The following FGF13 variants were observed in gnomAD, a reference collection of about 807,000 sequenced individuals.
FGF13 encodes the protein fibroblast growth factor 13.
A neutral mutation model predicts 19.5 loss-of-function variants in FGF13; 2 were observed. That is an observed-to-expected ratio of 0.10 (90% confidence interval 0.04 to 0.32). The LOEUF (loss-of-function observed/expected upper bound fraction) is 0.32. FGF13 is among the 10% of genes least tolerant of loss of function. FGF13 has a pLI of 1.00. For synonymous variants in FGF13, 72 were observed against 76.9 expected, an observed-to-expected ratio of 0.94 and a Z score of 0.33; for missense variants, 113 against 192.7, an observed-to-expected ratio of 0.59 and a Z score of 2.45.
intron 1 of FGF13, among the ~76,000 whole-genome samples, chrX:139,086,857 C>T (rs1051362425): frequency 8.9e-6 from 1 of 112,734 alleles, no homozygotes; most frequent in Admixed American, 9.4e-5. Context: ...TAAACACCTG[C>T]ACAACTAGAC....
intron 1 of FGF13, among the ~76,000 whole-genome samples, chrX:138,919,270 C>T (rs1369268797): frequency 5.4e-5 from 6 of 110,779 alleles, no homozygotes; most frequent in African/African-American, 1.6e-4. Context: ...AAGAAAGAGG[C>T]CAAAAATCTC....
Position 138,972,167 on chromosome X carries a change from G to A in FGF13, c.-112-107517C>T, listed in dbSNP as rs771319122. On this transcript the variant is annotated intron_variant, in intron 1 of 2. Transcript: ENST00000421460. ...TTGTGAATAGTGCTGCAATGAACATGGGAGTGCAGATATCTCTTCAACGTG... is the reference window on the plus strand; with the variant it reads ...TTGTGAATAGTGCTGCAATGAACATAGGAGTGCAGATATCTCTTCAACGTG... Among the ~76,000 whole-genome samples, 496 of 108,518 alleles carry A rather than the reference G, an allele frequency of 4.6e-3. 4 individuals are homozygous for A. The highest frequency in any genetic ancestry group is 6.0e-3 in the Non-Finnish European group (312 of 52,399). The allele number at this position is 108,518 out of a possible 115,157, so 94.2% of individuals were successfully genotyped here.
chrX:139,124,238 G>A (rs1323687149), intron 1 of FGF13, among the ~76,000 whole-genome samples: 1 of 112,650 alleles, frequency 8.9e-6, no homozygotes, highest in African/African-American at 3.2e-5. Context: ...AGTGACAGAC[G>A]TCATGTGTTC....
At chrX:138,911,914 T>C (rs1208224679) in intron 1 of FGF13, among the ~76,000 whole-genome samples, 1 of 112,083 alleles carries the variant, frequency 8.9e-6, no homozygotes, top group Non-Finnish European at 1.9e-5. Context: ...AAATGTCCAA[T>C]ACATATCGTA....
chrX:138,771,841 GT>G (rs1452043711), intron 3 of FGF13, among the ~76,000 whole-genome samples: 1 of 109,357 alleles, frequency 9.1e-6, no homozygotes, highest in African/African-American at 3.3e-5. Context: ...TCCATTTGAA[GT>G]GAAAAAGAGT....
At chrX:138,994,338 A>C (rs1456365474) in intron 1 of FGF13, among the ~76,000 whole-genome samples, 2 of 110,264 alleles carry the variant, frequency 1.8e-5, no homozygotes, top group Non-Finnish European at 3.8e-5. Flanking sequence ...AACCTTATGA[A>C]CTCATCTATA....
intron 1 of FGF13, among the ~76,000 whole-genome samples, chrX:139,141,047 TGATAGATA>T (rs71855826): frequency 0.14 from 12,751 of 88,973 alleles, 911 homozygotes; most frequent in South Asian, 0.28. Context: ...ACTAGATAGA[TGATAGATA>T]GATAGATAGA....
At chrX:138,965,587 A>T (rs2124309971) in intron 1 of FGF13, among the ~76,000 whole-genome samples, 1 of 112,196 alleles carries the variant, frequency 8.9e-6, no homozygotes, top group East Asian at 2.8e-4. Flanking sequence ...GTCATTAAAA[A>T]TTTCACTATG....
At chrX:138,747,007 C>T (rs1213540837) in intron 3 of FGF13, among the ~76,000 whole-genome samples, 1 of 111,625 alleles carries the variant, frequency 9.0e-6, no homozygotes, top group Non-Finnish European at 1.9e-5. Context: ...CCAGGGCAGA[C>T]TCTAAGCTCC....
At chrX:138,949,648 G>A (rs1453419450) in intron 1 of FGF13, among the ~76,000 whole-genome samples, 1 of 111,724 alleles carries the variant, frequency 9.0e-6, no homozygotes, top group Non-Finnish European at 1.9e-5. Flanking sequence ...ACTCAGTAAA[G>A]ATGGATATAT....
chrX:139,044,193 T>C (rs956038281), intron 1 of FGF13, among the ~76,000 whole-genome samples: 1 of 112,074 alleles, frequency 8.9e-6, no homozygotes, highest in African/African-American at 3.3e-5. Flanking sequence ...TACCTAAGAC[T>C]GGGTAATTTA....
At chrX:139,099,325 T>C (rs2083491213) in intron 1 of FGF13, among the ~76,000 whole-genome samples, 1 of 103,079 alleles carries the variant, frequency 9.7e-6, no homozygotes, top group African/African-American at 3.6e-5. Flanking sequence ...CCACAACTGG[T>C]TCTGTCTGAG....
Position 138,711,235 on chromosome X carries a change from G to A in FGF13, c.-232C>T. ...TCCCGCGCGGGCTGCTGGCTGCCTG[G>A]GTCGGAGTCGACGCCACAGCCCCGG... On this transcript the variant is annotated 5_prime_UTR_variant, in exon 1 of 5. Transcript: ENST00000315930. 9.8e-7 allele frequency: 1 copy of A among 1,024,468 alleles called. No individual in the cohort carries two copies. The allele number at this position is 1,024,468 out of a possible 1,213,427, so 84.4% of individuals were successfully genotyped here.
chrX:139,156,985 C>T (rs1219931103), intron 1 of FGF13, among the ~76,000 whole-genome samples: 7 of 111,641 alleles, frequency 6.3e-5, no homozygotes, highest in African/African-American at 2.3e-4. Flanking sequence ...AGGAGCACAA[C>T]ACACTATTCC....
At chrX:139,053,054 C>T (rs961299312) in intron 1 of FGF13, among the ~76,000 whole-genome samples, 1 of 99,610 alleles carries the variant, frequency 1.0e-5, no homozygotes, top group African/African-American at 3.6e-5. Flanking sequence ...CCTTCTTATG[C>T]TTTTGTGTCC....
At chrX:139,123,141 C>T (rs1320530952) in intron 1 of FGF13, among the ~76,000 whole-genome samples, 3 of 111,524 alleles carry the variant, frequency 2.7e-5, no homozygotes, top group Admixed American at 9.6e-5. Context: ...CCACCACCAG[C>T]TTTCCCCTGG....
intron 1 of FGF13, among the ~76,000 whole-genome samples, chrX:139,201,341 C>G (rs2084413523): frequency 8.9e-6 from 1 of 112,016 alleles, no homozygotes; most frequent in African/African-American, 3.2e-5. Flanking sequence ...TCTGGAAACA[C>G]TGTACTCTAT....
Position 138,623,127 on chromosome X carries a change from T to A in FGF13, c.*9723A>T, listed in dbSNP as rs913925418. 1 of 111,547 alleles carries A rather than the reference T, an allele frequency of 9.0e-6. No homozygotes were observed. The highest frequency in any genetic ancestry group is 1.9e-5 in the Non-Finnish European group (1 of 53,152). The allele number at this position is 111,547 out of a possible 1,213,427, so 9.2% of individuals were successfully genotyped here. Reference sequence around the variant, plus strand: ...TGATTTTTTTATCAACATTGGTGAATTCTACCCAAGTGAAATTGGTGAAAT... The same window carrying A: ...TGATTTTTTTATCAACATTGGTGAAATCTACCCAAGTGAAATTGGTGAAAT... On this transcript the variant is annotated 3_prime_UTR_variant, in exon 5 of 5. Coordinates refer to ENST00000315930, the MANE Select transcript of FGF13 (RefSeq NM_004114.5).
At chrX:139,163,485 T>C (rs984961022) in intron 1 of FGF13, among the ~76,000 whole-genome samples, 2 of 110,877 alleles carry the variant, frequency 1.8e-5, no homozygotes, top group Non-Finnish European at 3.8e-5. Flanking sequence ...GGCACGTGTA[T>C]ACCTGTGTAA....
Sources: gnomAD v4.1 joint callset for allele counts (sites outside exome capture counted in the v4.1 genomes callset) on GRCh38, gnomAD v4.1.1 for gene constraint, MANE v1.5 for transcripts, NCBI Gene and HGNC (gene_info 2026-07-23, HGNC 2026-07-21) for gene names.